The following DLEU7 variants were observed in gnomAD, a reference collection of about 807,000 sequenced individuals.
The protein encoded by DLEU7 is deleted in lymphocytic leukemia 7, also known as leukemia-associated protein 7.
Under a neutral mutation model 16.0 loss-of-function variants are expected in DLEU7, and 17 were observed. That is an observed-to-expected ratio of 1.06 (90% CI 0.73 to 1.59). DLEU7 has a LOEUF of 1.59. Ranked by LOEUF, DLEU7 falls within the 40% of genes most tolerant of loss-of-function variation. DLEU7 has a pLI of 0.00. For synonymous variants in DLEU7, 113 were observed against 139.8 expected (o/e 0.81, Z 1.35); for missense variants, 308 against 314.9 (o/e 0.98, Z 0.17).
At chr13:50,838,065 A>T (rs1028587865) in intron 1 of DLEU7, among the ~76,000 whole-genome samples, 46 of 151,272 alleles carry the variant, frequency 3.0e-4, no homozygotes, top group Non-Finnish European at 4.7e-4. Flanking sequence ...TTTGCTTATT[A>T]TTTTTTTTTA....
chr13:50,753,126 T>C (rs1052085111), intron 1 of DLEU7, among the ~76,000 whole-genome samples: 2 of 152,154 alleles, frequency 1.3e-5, no homozygotes, highest in African/African-American at 2.4e-5. Flanking sequence ...AGAGTGCTGA[T>C]TGGTGTGTTT....
chr13:50,785,185 T>C (rs2137768688), intron 1 of DLEU7, among the ~76,000 whole-genome samples: 1 of 152,192 alleles, frequency 6.6e-6, no homozygotes, highest in African/African-American at 2.4e-5. Context: ...AGAAAACCCA[T>C]ATTCAATGGG....
chr13:50,779,009 C>T (rs1359725929), intron 1 of DLEU7, among the ~76,000 whole-genome samples: 1 of 152,188 alleles, frequency 6.6e-6, no homozygotes, highest in Non-Finnish European at 1.5e-5. Flanking sequence ...TGTATTTTCT[C>T]ACAAAGGCCT....
downstream of DLEU7, among the ~76,000 whole-genome samples, chr13:50,819,012 G>A (rs1461588003): frequency 6.6e-6 from 1 of 152,106 alleles, no homozygotes; most frequent in Admixed American, 6.5e-5. Flanking sequence ...ATATTCACAG[G>A]TCCCTTTGAT....
intron 1 of DLEU7, among the ~76,000 whole-genome samples, chr13:50,723,562 G>A (rs1339448784): frequency 2.0e-5 from 3 of 152,196 alleles, no homozygotes; most frequent in Admixed American, 2.0e-4. Context: ...TGTGACTGTG[G>A]TTGGGTTCTG....
At chr13:50,790,281 A>G (rs1443314930) in intron 1 of DLEU7, among the ~76,000 whole-genome samples, 1 of 152,132 alleles carries the variant, frequency 6.6e-6, no homozygotes, top group Non-Finnish European at 1.5e-5. Context: ...ATTACTATCA[A>G]TATCTCTTTC....
chr13:50,817,356 C>T (rs1252291355), intron 1 of DLEU7, among the ~76,000 whole-genome samples: 1 of 152,120 alleles, frequency 6.6e-6, no homozygotes, highest in Non-Finnish European at 1.5e-5. Flanking sequence ...CATGTCACAT[C>T]CAACAAAGGT....
chr13:50,774,409 T>C (rs1228195919), intron 1 of DLEU7, among the ~76,000 whole-genome samples: 1 of 152,170 alleles, frequency 6.6e-6, no homozygotes, highest in African/African-American at 2.4e-5. Context: ...GAATGGATCC[T>C]CCATTCATGA....
intron 1 of DLEU7, among the ~76,000 whole-genome samples, chr13:50,769,596 G>GT (rs1401643509): frequency 2.6e-5 from 4 of 152,126 alleles, no homozygotes; most frequent in African/African-American, 9.7e-5. Flanking sequence ...TCAGATGGTT[G>GT]TATATGCCGG....
At chr13:50,794,936 A>G (rs905200000) in intron 1 of DLEU7, among the ~76,000 whole-genome samples, 2 of 151,372 alleles carry the variant, frequency 1.3e-5, no homozygotes, top group East Asian at 1.9e-4. Context: ...TATATTATGT[A>G]TTATATAAAT....
At chr13:50,732,206 G>T (rs1345240130) in intron 1 of DLEU7, among the ~76,000 whole-genome samples, 1 of 152,084 alleles carries the variant, frequency 6.6e-6, no homozygotes, top group African/African-American at 2.4e-5. Context: ...TTTTATCCCA[G>T]ACCACAAGTA....
intron 1 of DLEU7, among the ~76,000 whole-genome samples, chr13:50,817,119 T>C (rs563053908): frequency 4.6e-5 from 7 of 152,272 alleles, no homozygotes; most frequent in African/African-American, 1.4e-4. Flanking sequence ...TAATGGTTTT[T>C]TTTAAGGAAA....
intron 1 of DLEU7, among the ~76,000 whole-genome samples, chr13:50,772,098 T>G (rs1875332838): frequency 6.6e-6 from 1 of 152,196 alleles, no homozygotes; most frequent in Non-Finnish European, 1.5e-5. Flanking sequence ...CCTGCTTTTT[T>G]GTTGTTTTCC....
chr13:50,802,859 G>A (rs949139156), intron 1 of DLEU7, among the ~76,000 whole-genome samples: 7 of 152,118 alleles, frequency 4.6e-5, no homozygotes, highest in Non-Finnish European at 8.8e-5. Flanking sequence ...TTGGGACCAC[G>A]CTATTTATAC....
intron 1 of DLEU7, among the ~76,000 whole-genome samples, chr13:50,756,734 A>C (rs1161352712): frequency 6.6e-6 from 1 of 152,168 alleles, no homozygotes; most frequent in East Asian, 1.9e-4. Flanking sequence ...CCGGCCAGGA[A>C]GCTTCTTTCT....
intron 1 of DLEU7, among the ~76,000 whole-genome samples, chr13:50,729,030 TTGTC>T (rs776713950): frequency 6.6e-5 from 10 of 152,098 alleles, no homozygotes; most frequent in Admixed American, 5.2e-4. Context: ...ATTTATTTAT[TTGTC>T]TGTTGTTTTT....
chr13:50,767,256 C>A (rs545649471), intron 1 of DLEU7, among the ~76,000 whole-genome samples: 1 of 151,984 alleles, frequency 6.6e-6, no homozygotes, highest in Non-Finnish European at 1.5e-5. Context: ...GAGATCGAGA[C>A]CATCCTGGCT....
At chr13:50,822,306 G>A (rs1425158757), downstream of DLEU7, among the ~76,000 whole-genome samples, 1 of 152,014 alleles carries the variant, frequency 6.6e-6, no homozygotes, top group Admixed American at 6.6e-5. Flanking sequence ...CTCCCACCAC[G>A]CAGACCCAGT....
At chr13:50,762,557 G>C (rs951463368) in intron 1 of DLEU7, among the ~76,000 whole-genome samples, 10 of 152,050 alleles carry the variant, frequency 6.6e-5, no homozygotes, top group African/African-American at 2.4e-4. Flanking sequence ...AAATCCAATA[G>C]CTTTGAACTT....
Sources: allele counts gnomAD v4.1 joint callset (sites outside exome capture counted in the v4.1 genomes callset), GRCh38; gene constraint gnomAD v4.1.1; transcripts MANE v1.5; gene names NCBI Gene and HGNC (gene_info 2026-07-23, HGNC 2026-07-21).